The following DNAJC21 variants were observed in gnomAD, a reference collection of about 807,000 sequenced individuals.
The protein encoded by DNAJC21 is dnaJ homolog subfamily C member 21.
DNAJC21 carries 63 observed loss-of-function variants against 72.4 expected under a neutral mutation model. The ratio of observed to expected loss-of-function variants is 0.87; its 90% CI spans 0.71 to 1.07. The LOEUF (loss-of-function observed/expected upper bound fraction) is 1.07. Among genes scored for constraint, DNAJC21 ranks in the 50% least tolerant of loss-of-function variants. The pLI is 0.00. For synonymous variants in DNAJC21, 203 were observed against 216.7 expected (o/e 0.94, Z 0.56); for missense variants, 634 against 644.8 (o/e 0.98, Z 0.18).
rs1374577263 is a variant in DNAJC21, at chr5:34,957,585, A to T, written c.*2871A>T. 6.6e-6 allele frequency: 1 copy of T among 152,204 alleles called. No homozygotes were observed. Among genetic ancestry groups the T allele is most frequent in the Non-Finnish European group, 1.5e-5 (1 of 68,034 alleles). 9.4% of individuals were successfully genotyped at this position (152,204 alleles called of 1,614,324 possible). A position where few individuals can be genotyped will look rare whatever the true frequency, so the allele number is the denominator to read the frequency against. ...GAATTTTGGTACCATGAGAAGACTT[A>T]TAAAGGATTTCATCAGAAGTTTTCA... On this transcript the variant is annotated 3_prime_UTR_variant, in exon 12 of 12. Transcript: ENST00000648817.
intron 7 of DNAJC21, among the ~76,000 whole-genome samples, chr5:34,941,797 C>G (rs1231631900): frequency 6.6e-6 from 1 of 151,700 alleles, no homozygotes; most frequent in Non-Finnish European, 1.5e-5. Flanking sequence ...AAACTCCTGG[C>G]CTCAGGCGAT....
At chr5:34,948,431 G>A (rs1235410742) in intron 9 of DNAJC21, among the ~76,000 whole-genome samples, 1 of 152,182 alleles carries the variant, frequency 6.6e-6, no homozygotes, top group Non-Finnish European at 1.5e-5. Flanking sequence ...AACTGATGGG[G>A]ATACGTTAGA....
At chr5:34,943,789 C>T (rs1765079800) in intron 7 of DNAJC21, among the ~76,000 whole-genome samples, 1 of 152,128 alleles carries the variant, frequency 6.6e-6, no homozygotes, top group African/African-American at 2.4e-5. Flanking sequence ...TCCCTTTTAT[C>T]CATTTATCTA....
At chr5:34,932,516 T>C (rs1764632432) in intron 1 of DNAJC21, among the ~76,000 whole-genome samples, 2 of 151,726 alleles carry the variant, frequency 1.3e-5, no homozygotes, top group Admixed American at 1.3e-4. Flanking sequence ...GTGTAACAAA[T>C]TACCAATACC....
intron 5 of DNAJC21, among the ~76,000 whole-genome samples, chr5:34,937,852 A>G (rs556080417): frequency 5.3e-4 from 80 of 152,214 alleles, no homozygotes; most frequent in Admixed American, 4.3e-3. Context: ...CTGGAGTGCA[A>G]TGGTGCGATC....
In DNAJC21 at chr5:34,935,786, C is replaced by T. The variant is rs753741966; in HGVS notation, c.268C>T (p.Arg90Cys). 1.3e-5 allele frequency: 21 copies of T among 1,613,814 alleles called. No individual in the cohort carries two copies. The East Asian group carries it at 2.5e-4, about 19-fold the overall frequency. Residue 90 changes from arginine to cysteine, a missense_variant, in exon 3 of 12, where the codon CGC (arginine) becomes TGC (cysteine). Physicochemically the swap from Arg to Cys is radical, Grantham distance 180. Coordinates refer to ENST00000648817, the MANE Select transcript of DNAJC21 (RefSeq NM_001012339.3). ...TCAAGATGACAGCTTAGATTTGCTA[C>T]GCTATTTCACCGTTACCTGTTATTC... ...EYQDDSLDLL[R>C]YFTVTCYSGY...
chr5:34,945,090 T>C, intron 8 of DNAJC21, 65 bp downstream of exon 8: 9 of 1,563,230 alleles, frequency 5.8e-6, no homozygotes, highest in Non-Finnish European at 7.8e-6. Flanking sequence ...TTAAAAGGTT[T>C]TTTTTGAGAT....
At position 34,937,558 on chromosome 5, in the gene DNAJC21, T is replaced by G. The variant is rs772821332; in HGVS notation, c.671T>G (p.Val224Gly). 2.8e-5 allele frequency: 45 copies of G among 1,613,828 alleles called. No homozygotes were observed. In the South Asian group the frequency reaches 4.4e-4, roughly 16 times the overall value. ...DKRVQAHRKL[V>G]EEQNAEKARK... The stretch of plus-strand genomic sequence containing the variant: ...AGAGTGCAGGCGCATCGAAAACTTG[T>G]GGAAGAACAGAATGCAGAGAAGGCG... The change falls in exon 5 of 12, where the codon GTG becomes GGG. Residue 224 changes from valine to glycine, a missense_variant. Val to Gly is a moderately radical substitution (Grantham distance 109). Transcript: ENST00000648817.
intron 4 of DNAJC21, 143 bp downstream of exon 4, chr5:34,936,409 C>T: frequency 9.9e-7 from 1 of 1,008,168 alleles, no homozygotes; most frequent in Non-Finnish European, 1.4e-6. Context: ...GCCTCAAACT[C>T]CTGGGCTTAA....
Position 34,929,842 on chromosome 5 carries a change from T to G in DNAJC21, c.23T>G (p.Leu8Arg), listed in dbSNP as rs757534884. 25 of 1,564,390 alleles carry G rather than the reference T, an allele frequency of 1.6e-5. No individual in the cohort carries two copies. The highest frequency in any genetic ancestry group is 2.2e-5 in the Non-Finnish European group (25 of 1,155,710). Residue 8 changes from leucine to arginine, a missense_variant, in exon 1 of 12, where the codon CTG becomes CGG. Physicochemically the swap from Leu to Arg is moderately radical, Grantham distance 102. Coordinates refer to ENST00000648817, the MANE Select transcript of DNAJC21 (RefSeq NM_001012339.3). MKCHYEA[L>R]GVRRDASEEE... The stretch of plus-strand genomic sequence containing the variant: ...GCGATGAAGTGTCACTATGAGGCGC[T>G]GGGGGTGCGGCGCGACGCCAGCGAG...
In DNAJC21 at chr5:34,933,765, A is replaced by C. The variant is rs180694497; in HGVS notation, c.98-50A>C. The C allele has an allele frequency of 1.3e-4, 192 of 1,481,572 alleles. No homozygotes were observed. The African/African-American group carries it at 2.5e-3, about 19-fold the overall frequency. The allele number at this position is 1,481,572 out of a possible 1,614,324, so 91.8% of individuals were successfully genotyped here. On this transcript the variant is annotated intron_variant, in intron 1 of 11. Coordinates refer to ENST00000648817, the MANE Select transcript of DNAJC21 (RefSeq NM_001012339.3). The stretch of plus-strand genomic sequence containing the variant: ...TTCTGATGGAAAATGTCTTATTTAG[A>C]TTCTGTCCTGTACGTTTTTGATTGA...
intron 7 of DNAJC21, among the ~76,000 whole-genome samples, chr5:34,943,750 A>C (rs1219625266): frequency 6.6e-6 from 1 of 152,148 alleles, no homozygotes; most frequent in South Asian, 2.1e-4. Flanking sequence ...ATCAGTTAGC[A>C]CTTGGCCTTC....
At chr5:34,949,975 A>G (rs200841895) in intron 9 of DNAJC21, among the ~76,000 whole-genome samples, 195 bp from the exon 10 acceptor site, 3 of 152,344 alleles carry the variant, frequency 2.0e-5, no homozygotes, top group East Asian at 1.9e-4. Flanking sequence ...ATATTCAGCC[A>G]TTCACTTTTT....
Position 34,945,367 on chromosome 5 carries a change from T to C in DNAJC21, c.1142+342T>C, listed in dbSNP as rs1326155283. 6.6e-5 allele frequency among the ~76,000 whole-genome samples: 10 copies of C among 152,304 alleles called. No homozygotes were observed. In the East Asian group the frequency reaches 1.9e-3, roughly 29 times the overall value. Reference sequence around the variant, plus strand: ...TGCTGGGGTTACAGGTGTGAGCCACTGCGCCCGGCCTTAAAGGCTGTTTTA... The same window carrying C: ...TGCTGGGGTTACAGGTGTGAGCCACCGCGCCCGGCCTTAAAGGCTGTTTTA... On this transcript the variant is annotated intron_variant, in intron 8 of 11. Transcript: ENST00000648817.
At chr5:34,941,302 A>T (rs1019524702) in intron 7 of DNAJC21, 119 bp downstream of exon 7, 1 of 885,620 alleles carries the variant, frequency 1.1e-6, no homozygotes, top group Admixed American at 2.2e-5. Context: ...AACTCAGATG[A>T]TCCTCCCATG....
In DNAJC21 at chr5:34,935,777, G is replaced by C; in HGVS notation, c.259G>C (p.Asp87His). ...FDGEYQDDSL[D>H]LLRYFTVTCY... ...TGGCGAATATCAAGATGACAGCTTAGATTTGCTACGCTATTTCACCGTTAC... is the reference window on the plus strand; with the variant it reads ...TGGCGAATATCAAGATGACAGCTTACATTTGCTACGCTATTTCACCGTTAC... Residue 87 changes from aspartate (D) to histidine (H), a missense_variant, in exon 3 of 12, where the codon GAT becomes CAT. By Grantham distance (81) the Asp-to-His change is moderately conservative. Coordinates refer to ENST00000648817, the MANE Select transcript of DNAJC21 (RefSeq NM_001012339.3). 1 of 1,614,012 alleles carries C rather than the reference G, an allele frequency of 6.2e-7. No homozygotes were observed. Among genetic ancestry groups the C allele is most frequent in the Non-Finnish European group, 8.5e-7 (1 of 1,179,964 alleles).
chr5:34,953,791 T>G (rs1765453184), intron 10 of DNAJC21, 135 bp from the exon 11 acceptor site: 1 of 469,798 alleles, frequency 2.1e-6, no homozygotes, highest in South Asian at 8.7e-5. Context: ...AAAGATTATT[T>G]AAATTGCCTT....
At chr5:34,931,515 T>A (rs1255368033) in intron 1 of DNAJC21, among the ~76,000 whole-genome samples, 1 of 152,206 alleles carries the variant, frequency 6.6e-6, no homozygotes, top group East Asian at 1.9e-4. Flanking sequence ...ACCAAAAGCG[T>A]ATGTAATTTT....
At chr5:34,945,715 T>G in intron 8 of DNAJC21, 46 bp from the exon 9 acceptor site, 1 of 1,508,602 alleles carries the variant, frequency 6.6e-7, no homozygotes, top group Non-Finnish European at 8.8e-7. Context: ...CCACTTACTC[T>G]TCACAGAGTC....
Sources: gnomAD v4.1 joint callset for allele counts (sites outside exome capture counted in the v4.1 genomes callset) on GRCh38, gnomAD v4.1.1 for gene constraint, MANE v1.5 for transcripts, NCBI Gene and HGNC (gene_info 2026-07-23, HGNC 2026-07-21) for gene names.